The following RIC8A variants were observed in gnomAD, a reference collection of about 807,000 sequenced individuals.
The protein encoded by RIC8A is RIC8 guanine nucleotide exchange factor A.
In RIC8A, 37 loss-of-function variants were observed where a neutral mutation model predicts 48.4. The observed-to-expected ratio is 0.77, with a 90% CI of 0.59 to 1.01. RIC8A has a LOEUF of 1.01. Ranked by LOEUF, RIC8A falls within the 50% of genes least tolerant of loss-of-function variation. The pLI is 0.00. For missense variants in RIC8A, 681 were observed against 696.8 expected (o/e 0.98, Z 0.25); for synonymous variants, 288 against 283.4 (o/e 1.02, Z -0.16).
intron 4 of RIC8A, 24 bp downstream of exon 4, chr11:210,686 A>G: frequency 6.2e-6 from 10 of 1,607,348 alleles, no homozygotes; most frequent in Non-Finnish European, 8.5e-6. Context: ...TTTTTCTGGG[A>G]GGGAAGTGTG....
intron 1 of RIC8A, 105 bp downstream of exon 1, chr11:209,043 C>T: frequency 8.9e-7 from 1 of 1,127,640 alleles, no homozygotes; most frequent in Non-Finnish European, 1.3e-6. Context: ...TGTCAGCAAG[C>T]GTAGGGGACG....
chr11:212,326 T>G, intron 5 of RIC8A, 90 bp from the exon 6 acceptor site: 8 of 1,267,106 alleles, frequency 6.3e-6, no homozygotes, highest in South Asian at 1.3e-5. Context: ...GTTGTGTATG[T>G]TGGTGGGAAG....
intron 5 of RIC8A, chr11:212,122 C>T (rs1855374607): frequency 2.5e-6 from 1 of 404,822 alleles, no homozygotes; most frequent in African/African-American, 2.0e-5. Flanking sequence ...TTCTTCCCAG[C>T]TCTGGTTTAT....
Position 212,487 on chromosome 11 carries a change from A to C in RIC8A, c.1041A>C (p.Pro347=). The C allele has an allele frequency of 1.2e-6, 2 of 1,613,960 alleles. No individual in the cohort carries two copies. Among genetic ancestry groups the C allele is most frequent in the Non-Finnish European group, 1.7e-6 (2 of 1,179,932 alleles). The change falls in exon 6 of 10, where the codon CCA becomes CCC. Residue 347 remains proline, a synonymous_variant. Transcript: ENST00000526104. Reference sequence around the variant, plus strand: ...CTGAATGTGCCCGGATGCACCGCCCAGCCAGGAAGTTCCTGAAGGCCCAGG... The same window carrying C: ...CTGAATGTGCCCGGATGCACCGCCCCGCCAGGAAGTTCCTGAAGGCCCAGG... The part of the protein sequence containing the change: ...VLTECARMHR[P]ARKFLKAQVL...
rs774254810 is a variant in RIC8A at position 212,903 on chromosome 11, T to C, written c.1277T>C (p.Met426Thr). The change falls in exon 8 of 10, where the codon ATG becomes ACG. Residue 426 changes from methionine to threonine, a missense_variant. Met to Thr is a moderately conservative substitution (Grantham distance 81, BLOSUM62 -1). Transcript: ENST00000526104. ...AAGLLAARGL[M>T]AGGRPEGQYS... ...GGCCTTCTGGCTGCCAGGGGCCTCA[T>C]GGCAGGAGGCCGGCCCGAGGGCCAG... 3 of 1,606,186 alleles carry C rather than the reference T, an allele frequency of 1.9e-6. No homozygotes were observed. Among genetic ancestry groups the C allele is most frequent in the Non-Finnish European group, 2.6e-6 (3 of 1,176,100 alleles).
At chr11:212,301 C>A in intron 5 of RIC8A, 115 bp from the exon 6 acceptor site, 1 of 1,047,494 alleles carries the variant, frequency 9.5e-7, no homozygotes, top group Non-Finnish European at 1.4e-6. Context: ...CAAACCTCTG[C>A]CGCCAGGACC....
chr11:210,701 CAT>C (rs1855336668), intron 4 of RIC8A, 39 bp downstream of exon 4: 6 of 1,585,646 alleles, frequency 3.8e-6, no homozygotes, highest in Admixed American at 3.3e-5. Context: ...AGTGTGCCCA[CAT>C]GTCTAGATGG....
intron 5 of RIC8A, chr11:212,048 C>G (rs193211036): frequency 7.2e-6 from 2 of 277,146 alleles, no homozygotes; most frequent in Non-Finnish European, 1.4e-5. Flanking sequence ...GTTCTCGTTT[C>G]TTTTTGCCAC....
chr11:210,374 A>G (rs1855323347), intron 3 of RIC8A, 197 bp from the exon 4 acceptor site: 1 of 710,850 alleles, frequency 1.4e-6, no homozygotes, highest in Non-Finnish European at 2.6e-6. Context: ...TGGAGTTTTT[A>G]GGAAGACAGC....
At chr11:209,070 G>A (rs796758356) in intron 1 of RIC8A, 132 bp downstream of exon 1, 12 of 1,041,300 alleles carry the variant, frequency 1.2e-5, no homozygotes, top group African/African-American at 1.1e-4. Context: ...GGTGCGGGGG[G>A]CAGGTCTGGG....
Position 212,720 on chromosome 11 carries a change from G to GTGGCTGCCGAGTTCTTGTTT in RIC8A, c.1172_1191dup (p.Val398TrpfsTer63). 1.2e-6 allele frequency: 2 copies of GTGGCTGCCGAGTTCTTGTTT among 1,614,110 alleles called. No homozygotes were observed. Among genetic ancestry groups the GTGGCTGCCGAGTTCTTGTTT allele is most frequent in the Non-Finnish European group, 1.7e-6 (2 of 1,180,036 alleles). ...ACACCTGGACACAGATGTGAAGAGG[G>GTGGCTGCCGAGTTCTTGTTT]TGGCTGCCGAGTTCTTGTTTGTCCT... On this transcript the variant is annotated frameshift_variant, in exon 7 of 10. Transcript: ENST00000526104. LOFTEE classifies it high-confidence loss of function.
At position 209,874 on chromosome 11, in the gene RIC8A, G is replaced by A. The variant is rs774287969; in HGVS notation, c.600G>A (p.Leu200=). 15 of 1,607,940 alleles carry A rather than the reference G, an allele frequency of 9.3e-6. No homozygotes were observed. Among genetic ancestry groups the A allele is most frequent in the Non-Finnish European group, 5.1e-6 (6 of 1,178,808 alleles). ...TAACTGACACACTGGAGCTGACGCT[G>A]GGGGTGACTCCTGAAGGGAACCCCC... ...RLLTDTLELT[L]GVTPEGNPPP... Residue 200 remains leucine, a synonymous_variant, in exon 3 of 10, where the codon CTG becomes CTA. Coordinates refer to ENST00000526104, the MANE Select transcript of RIC8A (RefSeq NM_001286134.2).
intron 9 of RIC8A, 81 bp downstream of exon 9, chr11:213,499 T>G: frequency 1.3e-6 from 2 of 1,534,358 alleles, no homozygotes; most frequent in Non-Finnish European, 1.8e-6. Context: ...CCCCAGGAGG[T>G]AGGATCAGAG....
At position 209,283 on chromosome 11, in the gene RIC8A, T is replaced by C; in HGVS notation, c.97T>C (p.Phe33Leu). The change falls in exon 2 of 10, where the codon TTC (phenylalanine) becomes CTC (leucine). Residue 33 changes from phenylalanine to leucine, a missense_variant. Phe to Leu is a conservative substitution (Grantham distance 22). Coordinates refer to ENST00000526104, the MANE Select transcript of RIC8A (RefSeq NM_001286134.2). The stretch of plus-strand genomic sequence containing the variant: ...GTTCTCTCTGCAGCACTCCCAGAGC[T>C]TCACGTTTGATGATGCCCAACAGGA... The part of the protein sequence containing the change: ...RSYNQEHSQS[F>L]TFDDAQQEDR... 6.2e-7 allele frequency: 1 copy of C among 1,614,060 alleles called. No individual in the cohort carries two copies. The highest frequency in any genetic ancestry group is 1.1e-5 in the South Asian group (1 of 91,074).
chr11:209,934 G>T lies in RIC8A; in HGVS notation c.660G>T (p.Arg220=). The change falls in exon 3 of 10, where the codon CGG becomes CGT. Residue 220 remains arginine (R), a synonymous_variant. Transcript: ENST00000526104. ...PTLLPSQETE[R]AMEILKVLFN... ...TCCTTCCTTCCCAAGAGACTGAGCGGGCCATGGAGATCCTCAAAGTGCTCT... is the reference window on the plus strand; with the variant it reads ...TCCTTCCTTCCCAAGAGACTGAGCGTGCCATGGAGATCCTCAAAGTGCTCT... The T allele has an allele frequency of 6.2e-7, 1 of 1,604,058 alleles. No individual in the cohort carries two copies. Among genetic ancestry groups the T allele is most frequent in the Non-Finnish European group, 8.5e-7 (1 of 1,179,656 alleles).
Position 214,457 on chromosome 11 carries a change from C to A in RIC8A, c.*107C>A, listed in dbSNP as rs1855475805. 1 of 1,358,330 alleles carries A rather than the reference C, an allele frequency of 7.4e-7. No individual in the cohort carries two copies. Among genetic ancestry groups the A allele is most frequent in the Non-Finnish European group, 1.0e-6 (1 of 977,054 alleles). 84.1% of individuals were successfully genotyped at this position (1,358,330 alleles called of 1,614,324 possible). A position where few individuals can be genotyped will look rare whatever the true frequency, so the allele number is the denominator to read the frequency against. On this transcript the variant is annotated 3_prime_UTR_variant, in exon 10 of 10. Transcript: ENST00000526104. Reference sequence around the variant, plus strand: ...ATCCCACTGGATCCACACCCGCCCCCACTTCTCCATCTTAGAAACCCCTTC... The same window carrying A: ...ATCCCACTGGATCCACACCCGCCCCAACTTCTCCATCTTAGAAACCCCTTC...
intron 9 of RIC8A, 169 bp downstream of exon 9, chr11:213,587 T>C: frequency 3.7e-6 from 3 of 810,666 alleles, no homozygotes; most frequent in Non-Finnish European, 5.6e-6. Context: ...CCCCAGGGGA[T>C]GGGTATATTG....
rs1855522732 is a variant in RIC8A, at chr11:215,107, A to G, written c.*757A>G. ...ATCTTGAAATAAAGAAGAGTTTTGG[A>G]CAAAAATGTATGTGTAAATTATCAA... On this transcript the variant is annotated 3_prime_UTR_variant, in exon 10 of 10. Coordinates refer to ENST00000526104, the MANE Select transcript of RIC8A (RefSeq NM_001286134.2). The G allele has an allele frequency of 6.5e-6, 1 of 154,616 alleles. No homozygotes were observed. The highest frequency in any genetic ancestry group is 2.4e-5 in the African/African-American group (1 of 41,470). 9.6% of individuals were successfully genotyped at this position (154,616 alleles called of 1,614,324 possible).
intron 1 of RIC8A, 148 bp downstream of exon 1, chr11:209,086 G>A: frequency 9.7e-7 from 1 of 1,028,346 alleles, no homozygotes; most frequent in South Asian, 1.3e-5. Flanking sequence ...CTGGGATGCA[G>A]TGTTGCGGGG....
Sources: allele counts gnomAD v4.1 joint callset, GRCh38; gene constraint gnomAD v4.1.1; transcripts MANE v1.5; gene names NCBI Gene and HGNC (gene_info 2026-07-23, HGNC 2026-07-21).